Variants in CBR4 observed in about 807,000 individuals in gnomAD.
The protein encoded by CBR4 is 3-oxoacyl-[acyl-carrier-protein] reductase.
CBR4 carries 22 observed loss-of-function variants against 21.0 expected under a neutral mutation model. The observed-to-expected ratio is 1.05, with a 90% CI of 0.75 to 1.50. The LOEUF (loss-of-function observed/expected upper bound fraction) is 1.50, where lower values mean the gene tolerates loss of function less well. Ranked by LOEUF, CBR4 falls within the 40% of genes most tolerant of loss-of-function variation. The pLI is 0.00. For synonymous variants in CBR4, 100 were observed against 104.4 expected (o/e 0.96, Z 0.26); for missense variants, 302 against 286.3 (o/e 1.05, Z -0.40).
At chr4:168,917,366 C>CTTG (rs762043800) in intron 2 of CBR4, among the ~76,000 whole-genome samples, 1 of 152,056 alleles carries the variant, frequency 6.6e-6, no homozygotes, top group Non-Finnish European at 1.5e-5. Context: ...GGCTTTTTAA[C>CTTG]CCAAGGTCCT....
Position 168,990,029 on chromosome 4 carries a change from TA to T in CBR4, c.*120del. ...GACATATTTTTATAAAGACAGAAAT[TA>T]ACATTTGTAGCATCAGCAGGTTTGA... On this transcript the variant is annotated 3_prime_UTR_variant, in exon 5 of 5. Transcript: ENST00000306193. The T allele has an allele frequency of 7.6e-7, 1 of 1,311,062 alleles. No individual in the cohort carries two copies. The highest frequency in any genetic ancestry group is 9.8e-7 in the Non-Finnish European group (1 of 1,023,432). The allele number at this position is 1,311,062 out of a possible 1,614,324, so 81.2% of individuals were successfully genotyped here. A position where few individuals can be genotyped will look rare whatever the true frequency, so the allele number is the denominator to read the frequency against.
Position 168,989,922 on chromosome 4 carries a change from A to G in CBR4, c.*228T>C, listed in dbSNP as rs1265720156. The G allele has an allele frequency of 1.9e-5, 22 of 1,181,272 alleles. No homozygotes were observed. The highest frequency in any genetic ancestry group is 2.2e-5 in the Non-Finnish European group (21 of 954,236). The allele number at this position is 1,181,272 out of a possible 1,614,324, so 73.2% of individuals were successfully genotyped here. On this transcript the variant is annotated 3_prime_UTR_variant, in exon 5 of 5. Transcript: ENST00000306193. ...TATGGTATGTGAATTGTATCTCATG[A>G]AGGCTTTTTAAACAAAACAACACTG...
At chr4:168,933,582 C>T (rs1763024407) in intron 2 of CBR4, among the ~76,000 whole-genome samples, 1 of 152,132 alleles carries the variant, frequency 6.6e-6, no homozygotes, top group Non-Finnish European at 1.5e-5. Context: ...TTTAACACCC[C>T]ACTTTCAGCA....
chr4:168,968,344 T>A (rs954967322), intron 2 of CBR4, among the ~76,000 whole-genome samples: 2 of 152,130 alleles, frequency 1.3e-5, no homozygotes, highest in Non-Finnish European at 2.9e-5. Flanking sequence ...ATCAGTAGAG[T>A]GGATCATGAT....
intron 4 of CBR4, among the ~76,000 whole-genome samples, chr4:168,998,703 A>T (rs1765322961): frequency 6.6e-6 from 1 of 152,196 alleles, no homozygotes; most frequent in African/African-American, 2.4e-5. Context: ...TATTTCCACA[A>T]AGCTGTTATT....
intron 3 of CBR4, among the ~76,000 whole-genome samples, chr4:169,003,554 T>A (rs1238103870): frequency 3.9e-5 from 6 of 152,154 alleles, no homozygotes. Flanking sequence ...ATAGCAGGGA[T>A]TGAGAGGAGT....
chr4:168,973,248 A>G (rs1325761287), intron 2 of CBR4, among the ~76,000 whole-genome samples: 1 of 151,972 alleles, frequency 6.6e-6, no homozygotes, highest in African/African-American at 2.4e-5. Flanking sequence ...TGTTTTTGTT[A>G]TGTTCCTTCC....
At chr4:168,976,231 C>T (rs1231569884) in intron 2 of CBR4, among the ~76,000 whole-genome samples, 1 of 152,250 alleles carries the variant, frequency 6.6e-6, no homozygotes. Flanking sequence ...GCCTTCCCTT[C>T]CCCAAGGACC....
At chr4:168,994,848 G>A (rs971372473) in intron 4 of CBR4, among the ~76,000 whole-genome samples, 4 of 146,990 alleles carry the variant, frequency 2.7e-5, no homozygotes, top group South Asian at 2.1e-4. Context: ...TCCGCCTCCC[G>A]GGTTCAAACA....
chr4:168,989,293 A>G lies in CBR4; in HGVS notation c.*857T>C. ...TTTCATGAATAAAAAACACATCCTAAGTTCATGAAATCTGTGCGGTTCACT... is the reference window on the plus strand; with the variant it reads ...TTTCATGAATAAAAAACACATCCTAGGTTCATGAAATCTGTGCGGTTCACT... On this transcript the variant is annotated 3_prime_UTR_variant, in exon 5 of 5. Transcript: ENST00000306193. 2 of 985,352 alleles carry G rather than the reference A, an allele frequency of 2.0e-6. No individual in the cohort carries two copies. Among genetic ancestry groups the G allele is most frequent in the Non-Finnish European group, 1.2e-6 (1 of 829,868 alleles). The allele number at this position is 985,352 out of a possible 1,614,324, so 61.0% of individuals were successfully genotyped here.
chr4:168,949,312 C>T (rs1420657685), intron 2 of CBR4, among the ~76,000 whole-genome samples: 2 of 152,154 alleles, frequency 1.3e-5, no homozygotes, highest in African/African-American at 4.8e-5. Context: ...CGTCAGCAAA[C>T]AGTGACAGTT....
chr4:168,962,199 T>C (rs1763883523), intron 2 of CBR4, among the ~76,000 whole-genome samples: 1 of 152,080 alleles, frequency 6.6e-6, no homozygotes, highest in South Asian at 2.1e-4. Flanking sequence ...AGTCAAAAAC[T>C]AAGGATTTTT....
At chr4:169,007,541 C>A in intron 2 of CBR4, 95 bp downstream of exon 2, 1 of 723,200 alleles carries the variant, frequency 1.4e-6, no homozygotes, top group Non-Finnish European at 2.0e-6. Flanking sequence ...CAGTTAGAAG[C>A]AAAATAAACA....
intron 2 of CBR4, among the ~76,000 whole-genome samples, chr4:168,909,504 AAGTAACACACAACTG>A: frequency 6.6e-6 from 1 of 152,190 alleles, no homozygotes; most frequent in African/African-American, 2.4e-5. Context: ...TGGAATGGAA[AAGTAACACACAACTG>A]AGTTAAATAT....
chr4:168,903,938 T>C, intron 2 of CBR4: 1 of 1,592,980 alleles, frequency 6.3e-7, no homozygotes, highest in Non-Finnish European at 8.6e-7. Flanking sequence ...GGCTCAGTTC[T>C]GTGTCTAGTG....
chr4:168,927,857 T>A (rs896808371), intron 2 of CBR4: 9 of 212,020 alleles, frequency 4.2e-5, no homozygotes, highest in African/African-American at 2.0e-4. Context: ...GAGGCTTTAA[T>A]GGTACTTTGC....
At position 168,988,851 on chromosome 4, in the gene CBR4, A is replaced by G; in HGVS notation, c.*1299T>C. 4.2e-6 allele frequency: 4 copies of G among 957,266 alleles called. No individual in the cohort carries two copies. The highest frequency in any genetic ancestry group is 5.0e-6 in the Non-Finnish European group (4 of 804,242). 59.3% of individuals were successfully genotyped at this position (957,266 alleles called of 1,614,324 possible). On this transcript the variant is annotated 3_prime_UTR_variant, in exon 5 of 5. Coordinates refer to ENST00000306193, the MANE Select transcript of CBR4 (RefSeq NM_032783.5). ...TTGTTATTACTTTGTATTTATTAGT[A>G]TATCCTATTCATAATTTTGCACTGA...
intron 2 of CBR4, among the ~76,000 whole-genome samples, chr4:168,974,414 C>T (rs1327748044): frequency 1.3e-5 from 2 of 152,170 alleles, no homozygotes; most frequent in Non-Finnish European, 2.9e-5. Context: ...GAAGAATTTT[C>T]CAGGTGTTCT....
At chr4:169,009,885 G>A in intron 1 of CBR4, 63 bp downstream of exon 1, 5 of 1,476,458 alleles carry the variant, frequency 3.4e-6, no homozygotes, top group Non-Finnish European at 2.8e-6. Context: ...TTTTACAAAG[G>A]AGATTTTCTT....
Sources: gnomAD v4.1 joint callset for allele counts (sites outside exome capture counted in the v4.1 genomes callset) on GRCh38, gnomAD v4.1.1 for gene constraint, MANE v1.5 for transcripts, NCBI Gene and HGNC (gene_info 2026-07-23, HGNC 2026-07-21) for gene names.